The following SIM1 variants were observed in gnomAD, a reference collection of about 807,000 sequenced individuals.
SIM1 encodes the protein single-minded homolog 1.
SIM1 carries 18 observed loss-of-function variants against 78.2 expected under a neutral mutation model. The ratio of observed to expected loss-of-function variants is 0.23; its 90% confidence interval spans 0.16 to 0.34. The LOEUF is 0.34. Among genes scored for constraint, SIM1 ranks in the 10% least tolerant of loss-of-function variants. SIM1 has a pLI of 1.00. For missense variants in SIM1, 939 were observed against 975.1 expected, an observed-to-expected ratio of 0.96 and a Z score of 0.49; for synonymous variants, 417 against 385.2, an observed-to-expected ratio of 1.08 and a Z score of -0.97.
intron 10 of SIM1, among the ~76,000 whole-genome samples, chr6:100,420,552 G>C (rs1771549114): frequency 1.3e-5 from 2 of 152,102 alleles, no homozygotes; most frequent in South Asian, 4.1e-4. Flanking sequence ...TTATAGTTCT[G>C]ACAACAACCA....
At chr6:100,420,762 G>T (rs1416239296) in intron 10 of SIM1, 28 bp downstream of exon 10, 2 of 1,610,866 alleles carry the variant, frequency 1.2e-6, no homozygotes, top group African/African-American at 2.7e-5. Flanking sequence ...CCAAAAAAAA[G>T]AAAGTTGCAA....
At position 100,429,459 on chromosome 6, in the gene SIM1, A is replaced by T. The variant is rs35013170; in HGVS notation, c.999-8501T>A. ...ATAAATAATCAAATAAGAAGAACCA[A>T]CAATAATAGAATTACTAAATTATGA... On this transcript the variant is annotated intron_variant, in intron 9 of 11. Coordinates refer to ENST00000369208, the MANE Select transcript of SIM1 (RefSeq NM_005068.3). 1.6e-4 allele frequency among the ~76,000 whole-genome samples: 25 copies of T among 152,270 alleles called. No individual in the cohort carries two copies. The East Asian group carries it at 4.4e-3, about 27-fold the overall frequency.
Position 100,463,301 on chromosome 6 carries a change from G to A in SIM1, c.168C>T (p.Phe56=). 2 of 1,610,536 alleles carry A rather than the reference G, an allele frequency of 1.2e-6. No individual in the cohort carries two copies. Among genetic ancestry groups the A allele is most frequent in the Non-Finnish European group, 1.7e-6 (2 of 1,177,156 alleles). The change falls in exon 2 of 12, where the codon TTC becomes TTT. Residue 56 remains phenylalanine, a synonymous_variant. Transcript: ENST00000369208. Reference sequence around the variant, plus strand: ...CTGGGCAAAGTCACTTACCTTCTGGGAACACCACTCTCATTTTGAGATAGC... The same window carrying A: ...CTGGGCAAAGTCACTTACCTTCTGGAAACACCACTCTCATTTTGAGATAGC... The part of the protein sequence containing the change: ...TTSYLKMRVV[F]PEGLGEAWGH...
At chr6:100,463,262 C>A in intron 2 of SIM1, 32 bp downstream of exon 2, 1 of 1,581,274 alleles carries the variant, frequency 6.3e-7, no homozygotes, top group Non-Finnish European at 8.7e-7. Context: ...CCCCTTCTGC[C>A]TTTGAAATTC....
At chr6:100,402,498 GT>G (rs1043573563) in intron 10 of SIM1, among the ~76,000 whole-genome samples, 24 of 150,742 alleles carry the variant, frequency 1.6e-4, no homozygotes, top group African/African-American at 5.6e-4. Flanking sequence ...GGTCAATTAG[GT>G]TTCAGGCAAG....
intron 9 of SIM1, among the ~76,000 whole-genome samples, chr6:100,446,822 G>C (rs963273526): frequency 8.5e-5 from 13 of 152,180 alleles, no homozygotes; most frequent in South Asian, 4.1e-4. Flanking sequence ...CACTCTCTCA[G>C]AACTCTTAAC....
chr6:100,441,337 C>A (rs1308292414), intron 9 of SIM1, among the ~76,000 whole-genome samples: 2 of 151,568 alleles, frequency 1.3e-5, no homozygotes, highest in South Asian at 2.1e-4. Flanking sequence ...TGAATAGAAC[C>A]CCCAGGGGGC....
rs995928353 is a variant in SIM1 at position 100,392,174 on chromosome 6, C to CA, written c.1571-1084dup. Reference sequence around the variant, plus strand: ...AGGCGACAAGAGCGAAACTCTGTCTCAAAAAAAATTTTTTTAGACAATATT... The same window carrying CA: ...AGGCGACAAGAGCGAAACTCTGTCTCAAAAAAAAATTTTTTTAGACAATATT... On this transcript the variant is annotated intron_variant, in intron 11 of 11. Coordinates refer to ENST00000369208, the MANE Select transcript of SIM1 (RefSeq NM_005068.3). Among the ~76,000 whole-genome samples the CA allele has an allele frequency of 5.9e-5, 9 of 151,946 alleles. No homozygotes were observed. In the East Asian group the frequency reaches 1.5e-3, roughly 26 times the overall value.
chr6:100,390,711 T>G lies in SIM1; in HGVS notation c.1951A>C (p.Ser651Arg), dbSNP rs777821515. 1.2e-6 allele frequency: 2 copies of G among 1,614,160 alleles called. No homozygotes were observed. The highest frequency in any genetic ancestry group is 1.7e-6 in the Non-Finnish European group (2 of 1,180,016). Reference protein sequence around the residue: ...LSPHENDYDNSPTALSRISSP... With the variant: ...LSPHENDYDNRPTALSRISSP... The stretch of plus-strand genomic sequence containing the variant: ...CTTATCCGAGATAGTGCGGTGGGAC[T>G]GTTGTCATAGTCATTTTCATGGGGG... Residue 651 changes from serine to arginine, a missense_variant, in exon 12 of 12, where the codon AGT (serine) becomes CGT (arginine). Physicochemically the swap from Ser to Arg is moderately radical, Grantham distance 110. Around this residue, in one of 5 missense-constraint regions of SIM1, gnomAD observed 556 missense variants for 521.9 expected, o/e 1.07. Transcript: ENST00000369208.
In SIM1 at chr6:100,390,469, G is replaced by A. The variant is rs747010066; in HGVS notation, c.2193C>T (p.Ser731=). 17 of 1,614,010 alleles carry A rather than the reference G, an allele frequency of 1.1e-5. No individual in the cohort carries two copies. The highest frequency in any genetic ancestry group is 1.4e-5 in the Non-Finnish European group (17 of 1,180,034). The change falls in exon 12 of 12, where the codon TCC becomes TCT. Residue 731 remains serine, a synonymous_variant. Coordinates refer to ENST00000369208, the MANE Select transcript of SIM1 (RefSeq NM_005068.3). ...LYDSETIRNY[S]LGCNGSHFDV... is the part of the protein sequence containing the mutation. ...CAAAGTGTGAGCCATTACAGCCCAA[G>A]GAATAGTTTCTAATGGTTTCGCTGT...
intron 2 of SIM1, among the ~76,000 whole-genome samples, chr6:100,461,952 C>T (rs955164913): frequency 9.3e-5 from 14 of 149,926 alleles, no homozygotes; most frequent in African/African-American, 3.2e-4. Flanking sequence ...TAGGAGGGAA[C>T]GACTAAAGCA....
chr6:100,433,498 A>T (rs773154400), intron 9 of SIM1, among the ~76,000 whole-genome samples: 7 of 152,192 alleles, frequency 4.6e-5, no homozygotes, highest in Non-Finnish European at 8.8e-5. Flanking sequence ...TGTCCTGCTT[A>T]ATTTTTCTCC....
rs1182671020 is a variant in SIM1 at position 100,463,402 on chromosome 6, G to C, written c.67C>G (p.Leu23Val). ...GAGGGCAAAGGCAGTAATTTAGCCA[G>C]TTCATAAAATTCACTGTTTTCCTTC... ...REKENSEFYE[L>V]AKLLPLPSAI... Residue 23 changes from leucine to valine, a missense_variant, in exon 2 of 12, where the codon CTG becomes GTG. Leu to Val is a conservative substitution (Grantham distance 32). This residue lies in a region of SIM1 where 121 missense variants were observed against 124.6 expected (regional missense o/e 0.97). Transcript: ENST00000369208. 1 of 1,614,042 alleles carries C rather than the reference G, an allele frequency of 6.2e-7. No individual in the cohort carries two copies. Among genetic ancestry groups the C allele is most frequent in the Admixed American group, 1.7e-5 (1 of 60,020 alleles).
At position 100,407,959 on chromosome 6, in the gene SIM1, T is replaced by C. The variant is rs1159203833; in HGVS notation, c.1167+12831A>G. On this transcript the variant is annotated intron_variant, in intron 10 of 11. Transcript: ENST00000369208. Reference sequence around the variant, plus strand: ...TGCATTTTCATTATATTGTTTATTTTGCTATGCAGAAGCTTTTTAGTTTGA... The same window carrying C: ...TGCATTTTCATTATATTGTTTATTTCGCTATGCAGAAGCTTTTTAGTTTGA... 6.2e-4 allele frequency among the ~76,000 whole-genome samples: 94 copies of C among 152,180 alleles called. 1 individual carries two copies. The highest frequency in any genetic ancestry group is 6.0e-3 in the Admixed American group (92 of 15,278).
intron 10 of SIM1, among the ~76,000 whole-genome samples, chr6:100,420,126 C>A (rs1024313159): frequency 2.0e-5 from 3 of 152,194 alleles, no homozygotes; most frequent in African/African-American, 4.8e-5. Context: ...CACACCTTGA[C>A]ACAGTCTAGT....
chr6:100,398,899 T>C (rs941623736), intron 10 of SIM1, among the ~76,000 whole-genome samples: 1 of 151,828 alleles, frequency 6.6e-6, no homozygotes, highest in African/African-American at 2.4e-5. Flanking sequence ...TACAACGGGT[T>C]CAAATGTATC....
At position 100,464,497 on chromosome 6, in the gene SIM1, G is replaced by C. The variant is rs553872043; in HGVS notation, c.-468+117C>G. ...GCAGCGCCAGGTTAACAGGTGGCGC[G>C]CTCGCGACAGCCCCTCGCAGGCTCC... On this transcript the variant is annotated intron_variant, in intron 1 of 11. Coordinates refer to ENST00000369208, the MANE Select transcript of SIM1 (RefSeq NM_005068.3). 3.3e-5 allele frequency: 5 copies of C among 152,300 alleles called. No homozygotes were observed. In the East Asian group the frequency reaches 9.7e-4, roughly 30 times the overall value. The allele number at this position is 152,300 out of a possible 1,614,324, so 9.4% of individuals were successfully genotyped here.
chr6:100,431,557 T>G (rs1771899748), intron 9 of SIM1, among the ~76,000 whole-genome samples: 1 of 152,252 alleles, frequency 6.6e-6, no homozygotes, highest in Non-Finnish European at 1.5e-5. Flanking sequence ...GGTAGATAAG[T>G]TGTGTTTAAA....
At chr6:100,392,964 T>A (rs1025243293) in intron 11 of SIM1, among the ~76,000 whole-genome samples, 6 of 152,222 alleles carry the variant, frequency 3.9e-5, no homozygotes, top group South Asian at 2.1e-4. Flanking sequence ...CACGGGGTCA[T>A]CATTGTGGGT....
Sources: allele counts gnomAD v4.1 joint callset (sites outside exome capture counted in the v4.1 genomes callset), GRCh38; gene constraint gnomAD v4.1.1; regional missense constraint gnomAD v4.1.1; transcripts MANE v1.5; gene names NCBI Gene and HGNC (gene_info 2026-07-23, HGNC 2026-07-21).